Variants in SPIDR observed in about 807,000 individuals in gnomAD.
SPIDR encodes DNA repair-scaffolding protein.
A neutral mutation model predicts 104.6 loss-of-function variants in SPIDR; 93 were observed. The ratio of observed to expected loss-of-function variants is 0.89; its 90% CI spans 0.75 to 1.06. The LOEUF (loss-of-function observed/expected upper bound fraction) is 1.06. SPIDR is among the 50% of genes least tolerant of loss of function. SPIDR has a pLI of 0.00. For synonymous variants in SPIDR, 431 were observed against 416.9 expected (o/e 1.03, Z -0.41); for missense variants, 1,154 against 1,111.2 (o/e 1.04, Z -0.55).
At chr8:47,546,267 C>A (rs1332398569) in intron 8 of SPIDR, among the ~76,000 whole-genome samples, 1 of 152,090 alleles carries the variant, frequency 6.6e-6, no homozygotes, top group Admixed American at 6.5e-5. Flanking sequence ...TTTGAAATCA[C>A]AATACCAATT....
chr8:47,553,061 C>A (rs562413377), intron 8 of SPIDR, among the ~76,000 whole-genome samples: 1 of 152,168 alleles, frequency 6.6e-6, no homozygotes, highest in African/African-American at 2.4e-5. Context: ...GTTGAAAATT[C>A]TTTTCTTTAA....
intron 5 of SPIDR, among the ~76,000 whole-genome samples, chr8:47,307,518 C>T (rs1425167917): frequency 6.8e-6 from 1 of 146,234 alleles, no homozygotes; most frequent in Non-Finnish European, 1.5e-5. Context: ...CGCACCCAGC[C>T]TCTTTTCTCA....
At position 47,735,798 on chromosome 8, in the gene SPIDR, A is replaced by C. The variant is rs1364226058; in HGVS notation, c.*348A>C. 1 of 467,102 alleles carries C rather than the reference A, an allele frequency of 2.1e-6. No homozygotes were observed. The highest frequency in any genetic ancestry group is 2.0e-5 in the African/African-American group (1 of 51,076). 28.9% of individuals were successfully genotyped at this position (467,102 alleles called of 1,614,324 possible). On this transcript the variant is annotated 3_prime_UTR_variant, in exon 20 of 20. Coordinates refer to ENST00000297423, the MANE Select transcript of SPIDR (RefSeq NM_001080394.4). ...TTAACAAGTTGAACATTTTACCATGATTGAACATGTTTTTATTACAGTATT... is the reference window on the plus strand; with the variant it reads ...TTAACAAGTTGAACATTTTACCATGCTTGAACATGTTTTTATTACAGTATT...
At chr8:47,408,614 G>A (rs185544434) in intron 7 of SPIDR, among the ~76,000 whole-genome samples, 25 of 152,222 alleles carry the variant, frequency 1.6e-4, no homozygotes, top group South Asian at 2.1e-4. Context: ...AAGAAAAAGA[G>A]ATAAAAGATA....
chr8:47,726,401 G>T, intron 16 of SPIDR, among the ~76,000 whole-genome samples: 1 of 152,232 alleles, frequency 6.6e-6, no homozygotes, highest in East Asian at 1.9e-4. Context: ...TAGAAACTCA[G>T]ATTTTACTTT....
At chr8:47,261,192 C>T (rs1332498206) in intron 1 of SPIDR, among the ~76,000 whole-genome samples, 1 of 152,142 alleles carries the variant, frequency 6.6e-6, no homozygotes, top group Non-Finnish European at 1.5e-5. Flanking sequence ...GGCTCCGGTC[C>T]AGGCGTGCGG....
At chr8:47,504,903 A>G (rs1586824168) in intron 8 of SPIDR, among the ~76,000 whole-genome samples, 2 of 152,140 alleles carry the variant, frequency 1.3e-5, no homozygotes, top group African/African-American at 4.8e-5. Flanking sequence ...TCCACTCCAG[A>G]CCCTGTTTGC....
At chr8:47,582,758 G>T (rs2059836269) in intron 8 of SPIDR, among the ~76,000 whole-genome samples, 1 of 151,686 alleles carries the variant, frequency 6.6e-6, no homozygotes, top group Non-Finnish European at 1.5e-5. Context: ...CACTTTCGGA[G>T]GCAGAGGCTG....
At chr8:47,484,757 G>A (rs782094884) in intron 8 of SPIDR, among the ~76,000 whole-genome samples, 10 of 152,184 alleles carry the variant, frequency 6.6e-5, no homozygotes, top group South Asian at 2.1e-4. Context: ...CATGGATTGC[G>A]TCTTGGATTA....
chr8:47,314,549 A>G (rs1586804426), intron 5 of SPIDR, among the ~76,000 whole-genome samples: 1 of 152,182 alleles, frequency 6.6e-6, no homozygotes, highest in East Asian at 1.9e-4. Context: ...AAGGAACAGA[A>G]TGAGAGCAAA....
At chr8:47,659,675 G>A in intron 10 of SPIDR, 1 of 981,288 alleles carries the variant, frequency 1.0e-6, no homozygotes, top group Non-Finnish European at 1.2e-6. Flanking sequence ...TTTCTCAGCG[G>A]CTCCCTTGCG....
At chr8:47,260,924 T>G, upstream of SPIDR, 4 of 1,222,876 alleles carry the variant, frequency 3.3e-6, no homozygotes, top group East Asian at 6.6e-5. Context: ...GGCGGCGCGC[T>G]GAGGAGGCGG....
At chr8:47,423,433 G>C (rs1021808396) in intron 7 of SPIDR, among the ~76,000 whole-genome samples, 9 of 151,840 alleles carry the variant, frequency 5.9e-5, no homozygotes, top group Middle Eastern at 6.8e-3. Context: ...TGGCGAAAAA[G>C]TACTAAAAAT....
intron 8 of SPIDR, among the ~76,000 whole-genome samples, chr8:47,560,748 C>G (rs1587760760): frequency 6.6e-6 from 1 of 152,200 alleles, no homozygotes; most frequent in East Asian, 1.9e-4. Context: ...CCTATCCTTC[C>G]TTTATATGGA....
At chr8:47,356,864 G>T (rs568363171) in intron 5 of SPIDR, among the ~76,000 whole-genome samples, 4 of 152,262 alleles carry the variant, frequency 2.6e-5, no homozygotes, top group African/African-American at 9.6e-5. Context: ...TGTTCTGTGA[G>T]CACCTACCTA....
intron 5 of SPIDR, among the ~76,000 whole-genome samples, chr8:47,344,078 C>T (rs1554615866): frequency 6.6e-6 from 1 of 151,638 alleles, no homozygotes; most frequent in Admixed American, 6.6e-5. Flanking sequence ...ATTAACTCGT[C>T]ATCTACATTA....
intron 3 of SPIDR, among the ~76,000 whole-genome samples, chr8:47,290,452 A>G (rs1007702314): frequency 6.6e-6 from 1 of 152,294 alleles, no homozygotes; most frequent in East Asian, 1.9e-4. Context: ...GTGTTATACT[A>G]CAGTTTTGCA....
chr8:47,706,299 G>A (rs1430356875), intron 14 of SPIDR, among the ~76,000 whole-genome samples: 4 of 152,026 alleles, frequency 2.6e-5, no homozygotes, highest in Admixed American at 6.5e-5. Context: ...AGGCTGGGGC[G>A]GGAGAATGGT....
chr8:47,581,582 T>C (rs73567584), intron 8 of SPIDR, among the ~76,000 whole-genome samples: 4,006 of 152,188 alleles, frequency 0.026, 136 homozygotes, highest in African/African-American at 0.084. Flanking sequence ...AAGATGCATC[T>C]ACCATCCAGC....
Sources: gnomAD v4.1 joint callset for allele counts (sites outside exome capture counted in the v4.1 genomes callset) on GRCh38, gnomAD v4.1.1 for gene constraint, MANE v1.5 for transcripts, NCBI Gene and HGNC (gene_info 2026-07-23, HGNC 2026-07-21) for gene names.